The following TM9SF3 variants were observed in gnomAD, a reference collection of about 807,000 sequenced individuals.
The protein encoded by TM9SF3 is SM-11044-binding protein.
A neutral mutation model predicts 78.6 loss-of-function variants in TM9SF3; 14 were observed. The ratio of observed to expected loss-of-function variants is 0.18; its 90% CI spans 0.12 to 0.28. TM9SF3 has a LOEUF of 0.28. TM9SF3 is among the 10% of genes least tolerant of loss of function. The pLI is 1.00. For missense variants in TM9SF3, 496 were observed against 721.9 expected, an observed-to-expected ratio of 0.69 and a Z score of 3.59; for synonymous variants, 231 against 241.7, an observed-to-expected ratio of 0.96 and a Z score of 0.41.
chr10:96,586,705 G>C (rs1848636115), intron 1 of TM9SF3, 29 bp downstream of exon 1: 3 of 1,220,894 alleles, frequency 2.5e-6, no homozygotes, highest in East Asian at 3.3e-5. Flanking sequence ...AGCTAGCCCG[G>C]GGCGGCCGCG....
chr10:96,534,179 A>G (rs548172357), intron 9 of TM9SF3, among the ~76,000 whole-genome samples: 1 of 152,284 alleles, frequency 6.6e-6, no homozygotes, highest in South Asian at 2.1e-4. Context: ...AAAATTCTTC[A>G]TTAGATCCTT....
chr10:96,576,550 C>CA, intron 2 of TM9SF3, 84 bp downstream of exon 2: 3 of 1,259,060 alleles, frequency 2.4e-6, no homozygotes, highest in Admixed American at 2.6e-5. Context: ...AAGAATTATC[C>CA]AACACCAGTG....
At chr10:96,574,882 A>G (rs908640207) in intron 2 of TM9SF3, among the ~76,000 whole-genome samples, 8 of 152,100 alleles carry the variant, frequency 5.3e-5, no homozygotes, top group Admixed American at 2.6e-4. Context: ...ATGAGAACAC[A>G]TGGACACAGG....
rs1848636979 is a variant in TM9SF3 at position 96,586,774 on chromosome 10, A to G, written c.62T>C (p.Leu21Pro). Reference sequence around the variant, plus strand: ...GTCCGCCCGGGTCCGGGGCAGCAGCAGCAGCAGCAGCCACAGCGCGGCGGC... The same window carrying G: ...GTCCGCCCGGGTCCGGGGCAGCAGCGGCAGCAGCAGCCACAGCGCGGCGGC... ...AAAAALWLLL[L>P]LLPRTRADEH... Residue 21 changes from leucine to proline, a missense_variant, in exon 1 of 15, where the codon CTG (leucine) becomes CCG (proline). Transcript: ENST00000371142. The G allele has an allele frequency of 3.1e-6, 4 of 1,288,782 alleles. No homozygotes were observed. The highest frequency in any genetic ancestry group is 3.9e-6 in the Non-Finnish European group (4 of 1,016,940). 79.8% of individuals were successfully genotyped at this position (1,288,782 alleles called of 1,614,324 possible). A position where few individuals can be genotyped will look rare whatever the true frequency, so the allele number is the denominator to read the frequency against.
At position 96,518,353 on chromosome 10, in the gene TM9SF3, G is replaced by A. The variant is rs1397508295; in HGVS notation, c.*3910C>T. 4 of 152,132 alleles carry A rather than the reference G, an allele frequency of 2.6e-5. No individual in the cohort carries two copies. Among genetic ancestry groups the A allele is most frequent in the Admixed American group, 2.0e-4 (3 of 15,272 alleles). 9.4% of individuals were successfully genotyped at this position (152,132 alleles called of 1,614,324 possible). A position where few individuals can be genotyped will look rare whatever the true frequency, so the allele number is the denominator to read the frequency against. On this transcript the variant is annotated 3_prime_UTR_variant, in exon 15 of 15. Transcript: ENST00000371142. Reference sequence around the variant, plus strand: ...TGTGGGGACTTACACATTCAAGTTTGACAGTTGAAAAACCAACTGGAGCTG... The same window carrying A: ...TGTGGGGACTTACACATTCAAGTTTAACAGTTGAAAAACCAACTGGAGCTG...
intron 4 of TM9SF3, among the ~76,000 whole-genome samples, chr10:96,561,272 CTTTAT>C (rs1848305446): frequency 6.6e-6 from 1 of 151,984 alleles, no homozygotes; most frequent in African/African-American, 2.4e-5. Flanking sequence ...ATCTGTAAAT[CTTTAT>C]TTTTAGACTG....
chr10:96,562,102 T>C lies in TM9SF3; in HGVS notation c.458A>G (p.Tyr153Cys). 6.2e-7 allele frequency: 1 copy of C among 1,612,882 alleles called. No individual in the cohort carries two copies. ...AAGTTTTTTATAGGTCCAAAGATAGTAATCTTCTCCATTTTCATCAGCCTC... is the reference window on the plus strand; with the variant it reads ...AAGTTTTTTATAGGTCCAAAGATAGCAATCTTCTCCATTTTCATCAGCCTC... Reference protein sequence around the residue: ...VGEADENGEDYYLWTYKKLEI... With the variant: ...VGEADENGEDCYLWTYKKLEI... The change falls in exon 4 of 15, where the codon TAC (tyrosine) becomes TGC (cysteine). Residue 153 changes from tyrosine to cysteine, a missense_variant. This residue lies in a region of TM9SF3 where 155 missense variants were observed against 241.6 expected (regional missense o/e 0.64). Coordinates refer to ENST00000371142, the MANE Select transcript of TM9SF3 (RefSeq NM_020123.4).
chr10:96,541,111 A>G (rs1029163626), intron 9 of TM9SF3, among the ~76,000 whole-genome samples: 2 of 152,074 alleles, frequency 1.3e-5, no homozygotes, highest in African/African-American at 2.4e-5. Context: ...TTCCCATGCT[A>G]ACCTGCCTCT....
chr10:96,533,547 C>G lies in TM9SF3; in HGVS notation c.1186-357G>C, dbSNP rs181544838. On this transcript the variant is annotated intron_variant, in intron 9 of 14. Transcript: ENST00000371142. The stretch of plus-strand genomic sequence containing the variant: ...TATTATAACCAACTTACTTATCTGG[C>G]TATGCTTTTTGAGCTCATAAAATGC... 1.2e-4 allele frequency among the ~76,000 whole-genome samples: 19 copies of G among 152,158 alleles called. No individual in the cohort carries two copies. In the East Asian group the frequency reaches 3.5e-3, roughly 28 times the overall value.
chr10:96,549,504 G>T (rs1848142893), intron 7 of TM9SF3, among the ~76,000 whole-genome samples: 1 of 152,104 alleles, frequency 6.6e-6, no homozygotes, highest in Admixed American at 6.6e-5. Flanking sequence ...TAGTGTCCTG[G>T]TCTGTAGAAT....
At chr10:96,572,508 T>C (rs1251207125) in intron 2 of TM9SF3, among the ~76,000 whole-genome samples, 1 of 151,520 alleles carries the variant, frequency 6.6e-6, no homozygotes, top group African/African-American at 2.4e-5. Context: ...TCAGCCCTTC[T>C]ATATTTAACG....
intron 4 of TM9SF3, chr10:96,560,802 C>T (rs141729650): frequency 2.0e-4 from 111 of 554,644 alleles, no homozygotes; most frequent in African/African-American, 1.9e-3. Flanking sequence ...ACTATCAACA[C>T]TAAGATCAAA....
chr10:96,578,077 A>C (rs1254188547), intron 1 of TM9SF3, among the ~76,000 whole-genome samples: 1 of 152,184 alleles, frequency 6.6e-6, no homozygotes, highest in Non-Finnish European at 1.5e-5. Flanking sequence ...GGGAACCCAA[A>C]AACATTAACT....
chr10:96,565,654 C>T (rs1848359321), intron 2 of TM9SF3, among the ~76,000 whole-genome samples: 1 of 151,906 alleles, frequency 6.6e-6, no homozygotes, highest in South Asian at 2.1e-4. Flanking sequence ...TATTTTCAAA[C>T]ATTACCTAAG....
chr10:96,542,293 T>G (rs1848043361), intron 9 of TM9SF3, among the ~76,000 whole-genome samples: 1 of 152,194 alleles, frequency 6.6e-6, no homozygotes, highest in African/African-American at 2.4e-5. Context: ...TCCCCCAGTA[T>G]TCCTTCATTA....
At chr10:96,574,407 T>TA (rs1848473435) in intron 2 of TM9SF3, among the ~76,000 whole-genome samples, 1 of 152,114 alleles carries the variant, frequency 6.6e-6, no homozygotes, top group Admixed American at 6.6e-5. Flanking sequence ...TGGCGATCAT[T>TA]AAAAAATCAG....
chr10:96,528,930 C>T (rs1847867094), intron 11 of TM9SF3, among the ~76,000 whole-genome samples: 1 of 152,078 alleles, frequency 6.6e-6, no homozygotes, highest in Non-Finnish European at 1.5e-5. Context: ...TGACATGACA[C>T]CTTAAAAAGA....
chr10:96,549,816 T>TAAAAAAAAAAAAAAAAAAAAAAAAAA (rs370197060), intron 7 of TM9SF3, among the ~76,000 whole-genome samples: 1 of 121,820 alleles, frequency 8.2e-6, no homozygotes, highest in African/African-American at 3.2e-5. Flanking sequence ...CTTCTGCATT[T>TAAAAAAAAAAAAAAAAAAAAAAAAAA]TAAAAAAAAA....
Position 96,528,011 on chromosome 10 carries a change from AT to A in TM9SF3, c.1541+19del. The A allele has an allele frequency of 6.3e-7, 1 of 1,594,330 alleles. No homozygotes were observed. Among genetic ancestry groups the A allele is most frequent in the Non-Finnish European group, 8.5e-7 (1 of 1,172,040 alleles). On this transcript the variant is annotated intron_variant, in intron 12 of 14. Transcript: ENST00000371142. ...AAATATTATGGTTCCCCAAATTTCT[AT>A]CCACAAATAGGTACTTACCACCGGT...
Sources: allele counts gnomAD v4.1 joint callset (sites outside exome capture counted in the v4.1 genomes callset), GRCh38; gene constraint gnomAD v4.1.1; regional missense constraint gnomAD v4.1.1; transcripts MANE v1.5; gene names NCBI Gene and HGNC (gene_info 2026-07-23, HGNC 2026-07-21).